Variants in EML5 observed in about 807,000 individuals in gnomAD.
EML5 encodes EMAP like 5.
EML5 carries 120 observed loss-of-function variants against 250.0 expected under a neutral mutation model. The ratio of observed to expected loss-of-function variants is 0.48; its 90% confidence interval spans 0.41 to 0.56. The LOEUF is 0.56. Among genes scored for constraint, EML5 ranks in the 20% least tolerant of loss-of-function variants. The pLI, the probability that EML5 is intolerant of heterozygous loss-of-function variation, is 0.00. For synonymous variants in EML5, 771 were observed against 806.5 expected (o/e 0.96, Z 0.75); for missense variants, 2,006 against 2,437.6 (o/e 0.82, Z 3.73).
chr14:88,695,341 A>G lies in EML5; in HGVS notation c.2438+20T>C, dbSNP rs1430834908. On this transcript the variant is annotated intron_variant, in intron 16 of 43. Transcript: ENST00000554922. ...GTAATTCTAGTATTTTGCAAATGTG[A>G]TATCAAGTTTTTTTCCTACCTTGCT... 6.3e-7 allele frequency: 1 copy of G among 1,591,184 alleles called. No homozygotes were observed. Among genetic ancestry groups the G allele is most frequent in the Non-Finnish European group, 8.6e-7 (1 of 1,169,274 alleles).
chr14:88,747,174 G>A (rs2094016444), intron 2 of EML5, among the ~76,000 whole-genome samples: 1 of 152,046 alleles, frequency 6.6e-6, no homozygotes, highest in Non-Finnish European at 1.5e-5. Flanking sequence ...CACTTTGGAA[G>A]GCCAAGGCAG....
intron 7 of EML5, among the ~76,000 whole-genome samples, chr14:88,729,872 T>G (rs1261112678): frequency 2.7e-5 from 3 of 112,446 alleles, no homozygotes; most frequent in African/African-American, 5.4e-5. Flanking sequence ...TGTTTTTTGT[T>G]TTTTTTTTTT....
Position 88,695,395 on chromosome 14 carries a change from C to A in EML5, c.2404G>T (p.Asp802Tyr), listed in dbSNP as rs758262675. The A allele has an allele frequency of 1.2e-6, 2 of 1,612,224 alleles. No individual in the cohort carries two copies. Among genetic ancestry groups the A allele is most frequent in the Non-Finnish European group, 1.7e-6 (2 of 1,179,174 alleles). The part of the protein sequence containing the change: ...IDDSHTVVLW[D>Y]WKKGEKLSIA... The stretch of plus-strand genomic sequence containing the variant: ...GAAAGTTTCTCTCCTTTCTTCCAGT[C>A]CCAGAGCACAACAGTATGGCTATCA... The change falls in exon 16 of 44, where the codon GAC becomes TAC. Residue 802 changes from aspartate to tyrosine, a missense_variant. Physicochemically the swap from Asp to Tyr is radical, Grantham distance 160. Around this residue, in one of 7 missense-constraint regions of EML5, gnomAD observed 1,375 missense variants for 1,590.3 expected, o/e 0.86. Coordinates refer to ENST00000554922, the MANE Select transcript of EML5 (RefSeq NM_183387.3).
rs1342545112 is a variant in EML5 at position 88,736,454 on chromosome 14, A to G, written c.959T>C (p.Met320Thr). Residue 320 changes from methionine to threonine, a missense_variant, in exon 7 of 44, where the codon ATG becomes ACG. Physicochemically the swap from Met to Thr is moderately conservative, Grantham distance 81. This residue lies in a region of EML5 where 1,375 missense variants were observed against 1,590.3 expected (regional missense o/e 0.86). Coordinates refer to ENST00000554922, the MANE Select transcript of EML5 (RefSeq NM_183387.3). ...AAGTTCACCTTCACAATGCCCTTGC[A>G]TAATTAGAAAAGGTTTATTTCTTTC... ...VQERNKPFLIMQGHCEGELWA... is the reference protein window; with the variant it reads ...VQERNKPFLITQGHCEGELWA... The G allele has an allele frequency of 1.2e-6, 2 of 1,614,086 alleles. No homozygotes were observed. The highest frequency in any genetic ancestry group is 1.7e-6 in the Non-Finnish European group (2 of 1,179,904).
In EML5 at chr14:88,706,408, T is replaced by C. The variant is rs1215667725; in HGVS notation, c.1676A>G (p.Tyr559Cys). The change falls in exon 11 of 44, where the codon TAT (tyrosine) becomes TGT (cysteine). Residue 559 changes from tyrosine (Y) to cysteine (C), a missense_variant. This residue lies in a region of EML5 where 1,375 missense variants were observed against 1,590.3 expected (regional missense o/e 0.86). Coordinates refer to ENST00000554922, the MANE Select transcript of EML5 (RefSeq NM_183387.3). The stretch of plus-strand genomic sequence containing the variant: ...AGTTACGTGAGCTGAATGGCCAATA[T>C]ATTTTCTAAACTTGGCCCCTATAAT... ...CLRKGAKFRK[Y>C]IGHSAHVTNV... The C allele has an allele frequency of 1.9e-6, 3 of 1,571,936 alleles. No homozygotes were observed. The highest frequency in any genetic ancestry group is 2.7e-5 in the African/African-American group (2 of 73,230).
At chr14:88,721,418 T>C (rs2093588016) in intron 8 of EML5, among the ~76,000 whole-genome samples, 1 of 151,508 alleles carries the variant, frequency 6.6e-6, no homozygotes, top group Non-Finnish European at 1.5e-5. Context: ...TAAAAACAGA[T>C]GGGTAGACCA....
At chr14:88,715,305 A>G in intron 8 of EML5, 110 bp from the exon 9 acceptor site, 1 of 1,101,882 alleles carries the variant, frequency 9.1e-7, no homozygotes, top group South Asian at 1.7e-5. Flanking sequence ...TTTATAAACT[A>G]TAAAGTAAAC....
chr14:88,766,804 G>T (rs892485453), intron 1 of EML5, among the ~76,000 whole-genome samples: 1 of 152,014 alleles, frequency 6.6e-6, no homozygotes, highest in African/African-American at 2.4e-5. Flanking sequence ...GTCTCCCCCA[G>T]ACACCCAGCT....
At chr14:88,667,743 T>C (rs1463551492) in intron 21 of EML5, among the ~76,000 whole-genome samples, 1 of 152,236 alleles carries the variant, frequency 6.6e-6, no homozygotes, top group Non-Finnish European at 1.5e-5. Flanking sequence ...GGGGGCCTGA[T>C]GGCATTCACC....
chr14:88,670,669 T>C (rs571834319), intron 21 of EML5, among the ~76,000 whole-genome samples: 1 of 152,238 alleles, frequency 6.6e-6, no homozygotes, highest in East Asian at 1.9e-4. Flanking sequence ...CTAAGAGCCA[T>C]GATAAAACAT....
intron 1 of EML5, among the ~76,000 whole-genome samples, chr14:88,766,764 G>A (rs1173189712): frequency 1.3e-5 from 2 of 152,014 alleles, no homozygotes; most frequent in Non-Finnish European, 2.9e-5. Context: ...TGCAGCTTGA[G>A]GGGCATCACG....
At chr14:88,694,033 A>T (rs1265294345) in intron 17 of EML5, among the ~76,000 whole-genome samples, 1 of 150,770 alleles carries the variant, frequency 6.6e-6, no homozygotes, top group Non-Finnish European at 1.5e-5. Flanking sequence ...TTGGCCTCCC[A>T]AAGTGCTGGG....
intron 23 of EML5, among the ~76,000 whole-genome samples, chr14:88,663,461 G>C (rs944212801): frequency 4.2e-5 from 5 of 120,228 alleles, no homozygotes; most frequent in Non-Finnish European, 9.4e-5. Context: ...TTATATAGTT[G>C]AATACAATAT....
chr14:88,665,326 A>T lies in EML5; in HGVS notation c.3277+11T>A. 1 of 1,604,408 alleles carries T rather than the reference A, an allele frequency of 6.2e-7. No homozygotes were observed. The highest frequency in any genetic ancestry group is 8.5e-7 in the Non-Finnish European group (1 of 1,175,288). On this transcript the variant is annotated intron_variant, in intron 22 of 43. Coordinates refer to ENST00000554922, the MANE Select transcript of EML5 (RefSeq NM_183387.3). Reference sequence around the variant, plus strand: ...AAGTTAATACTCAAATACAATTTCAATGGATCTTACCAGGTGAAAATCGAA... The same window carrying T: ...AAGTTAATACTCAAATACAATTTCATTGGATCTTACCAGGTGAAAATCGAA...
In EML5 at chr14:88,792,176, G is replaced by T. The variant is rs1374177557; in HGVS notation, c.197+131C>A. On this transcript the variant is annotated intron_variant, in intron 1 of 43. Transcript: ENST00000554922. The surrounding 1 kb of genome is among the most constrained non-coding windows in gnomAD (Gnocchi z 6.9). ...GTGTTAACTGGTGGACTCGGGACCA[G>T]AGAGACAGCTGCGGATTCCCCTCGG... is the stretch of plus-strand genomic sequence containing the variant. 1 of 1,116,008 alleles carries T rather than the reference G, an allele frequency of 9.0e-7. No homozygotes were observed. Among genetic ancestry groups the T allele is most frequent in the Non-Finnish European group, 1.2e-6 (1 of 801,410 alleles). 69.1% of individuals were successfully genotyped at this position (1,116,008 alleles called of 1,614,324 possible).
chr14:88,755,001 C>T (rs2094141959), intron 1 of EML5, among the ~76,000 whole-genome samples: 1 of 151,814 alleles, frequency 6.6e-6, no homozygotes, highest in Non-Finnish European at 1.5e-5. Flanking sequence ...GATGGGGTTT[C>T]GCCACATTGG....
chr14:88,674,749 T>A (rs995407873), intron 21 of EML5, among the ~76,000 whole-genome samples: 2 of 152,230 alleles, frequency 1.3e-5, no homozygotes, highest in Non-Finnish European at 2.9e-5. Flanking sequence ...ACATCTCATC[T>A]GGGACAAGGC....
chr14:88,747,754 A>C (rs1174090773), intron 2 of EML5, among the ~76,000 whole-genome samples: 1 of 152,200 alleles, frequency 6.6e-6, no homozygotes, highest in Non-Finnish European at 1.5e-5. Flanking sequence ...TAAATACAAG[A>C]TTAGCAGGAG....
intron 36 of EML5, 170 bp from the exon 37 acceptor site, chr14:88,622,888 A>G (rs1427889294): frequency 2.1e-6 from 1 of 468,360 alleles, no homozygotes; most frequent in Admixed American, 4.1e-5. Context: ...AGGATATACT[A>G]TATCTCAGTC....
Sources: gnomAD v4.1 joint callset for allele counts (sites outside exome capture counted in the v4.1 genomes callset) on GRCh38, gnomAD v4.1.1 for gene constraint, gnomAD v4.1.1 regional missense constraint, Gnocchi (gnomAD v3.1) non-coding constraint, MANE v1.5 for transcripts, NCBI Gene and HGNC (gene_info 2026-07-23, HGNC 2026-07-21) for gene names.